The following ZNF28 variants were observed in gnomAD, a reference collection of about 807,000 sequenced individuals.
ZNF28 encodes the protein zinc finger protein 28.
A neutral mutation model predicts 7.2 loss-of-function variants in ZNF28; 5 were observed. The ratio of observed to expected loss-of-function variants is 0.70; its 90% CI spans 0.36 to 1.46. The LOEUF (loss-of-function observed/expected upper bound fraction) is 1.46, where lower values mean the gene tolerates loss of function less well. ZNF28 is among the 40% of genes most tolerant of loss of function. The pLI is 0.03. For synonymous variants in ZNF28, 288 were observed against 292.4 expected (o/e 0.99, Z 0.15); for missense variants, 879 against 866.6 (o/e 1.01, Z -0.18).
chr19:52,803,266 G>A (rs2062896787), intron 3 of ZNF28, among the ~76,000 whole-genome samples: 1 of 151,534 alleles, frequency 6.6e-6, no homozygotes, highest in Admixed American at 6.6e-5. Context: ...TAGTAGAGAT[G>A]GGGTTTGGTG....
At position 52,799,982 on chromosome 19, in the gene ZNF28, C is replaced by T. The variant is rs755330927; in HGVS notation, c.1863G>A (p.Ser621=). The T allele has an allele frequency of 1.7e-5, 28 of 1,610,082 alleles. No individual in the cohort carries two copies. Among genetic ancestry groups the T allele is most frequent in the East Asian group, 9.0e-5 (4 of 44,660 alleles). The part of the protein sequence containing the change: ...ECGKTFRQTS[S]LIIHRRLHTG... ...TATGAAGCCTACGATGGATTATAAG[C>T]GATGATGTCTGACGGAAGGTCTTGC... Residue 621 remains serine (S), a synonymous_variant, in exon 4 of 4, where the codon TCG becomes TCA. Coordinates refer to ENST00000457749, the MANE Select transcript of ZNF28 (RefSeq NM_006969.5).
intron 3 of ZNF28, among the ~76,000 whole-genome samples, chr19:52,803,233 T>C (rs1211478541): frequency 4.6e-5 from 7 of 152,062 alleles, no homozygotes; most frequent in Non-Finnish European, 1.0e-4. Context: ...CATGCCACTG[T>C]GCCCGGCTAA....
chr19:52,798,386 A>C lies in ZNF28; in HGVS notation c.*1302T>G, dbSNP rs144398880. The stretch of plus-strand genomic sequence containing the variant: ...TCAAACTCAGGTCAGTGCTCATTTA[A>C]CTGTAATGTCAATTAATGCTTGATG... On this transcript the variant is annotated 3_prime_UTR_variant, in exon 4 of 4. Coordinates refer to ENST00000457749, the MANE Select transcript of ZNF28 (RefSeq NM_006969.5). 4.7e-4 allele frequency: 175 copies of C among 373,966 alleles called. No individual in the cohort carries two copies. The highest frequency in any genetic ancestry group is 8.2e-4 in the Non-Finnish European group (155 of 190,050). 23.2% of individuals were successfully genotyped at this position (373,966 alleles called of 1,614,324 possible).
rs531977324 is a variant in ZNF28 at position 52,818,051 on chromosome 19, T to C, written c.-73-20A>G. ...TCAATCCTGAATGTTAAAAATATGT[T>C]GTTTATTGCTCAGAATCAACACATC... On this transcript the variant is annotated intron_variant, in intron 1 of 3. Transcript: ENST00000457749. 683 of 1,585,324 alleles carry C rather than the reference T, an allele frequency of 4.3e-4. 10 individuals are homozygous for C. The South Asian group carries it at 6.8e-3, about 16-fold the overall frequency.
Position 52,799,014 on chromosome 19 carries a change from A to G in ZNF28, c.*674T>C. ...CCAAAAGCCTTGTTACAAACCTTACATTTGTATGTTTTTTCTCCAGTATGA... is the reference window on the plus strand; with the variant it reads ...CCAAAAGCCTTGTTACAAACCTTACGTTTGTATGTTTTTTCTCCAGTATGA... On this transcript the variant is annotated 3_prime_UTR_variant, in exon 4 of 4. Coordinates refer to ENST00000457749, the MANE Select transcript of ZNF28 (RefSeq NM_006969.5). 1 of 777,480 alleles carries G rather than the reference A, an allele frequency of 1.3e-6. No individual in the cohort carries two copies. Among genetic ancestry groups the G allele is most frequent in the Non-Finnish European group, 2.0e-6 (1 of 504,636 alleles). The allele number at this position is 777,480 out of a possible 1,614,324, so 48.2% of individuals were successfully genotyped here.
intron 3 of ZNF28, chr19:52,805,666 A>ATAAATAAATAAATAAC (rs1165988967): frequency 1.5e-4 from 22 of 151,388 alleles, no homozygotes; most frequent in African/African-American, 4.8e-4. Context: ...AAATAAATAA[A>ATAAATAAATAAATAAC]TAAAGTTCTC....
chr19:52,799,118 A>G lies in ZNF28; in HGVS notation c.*570T>C, dbSNP rs567413726. 5 of 413,182 alleles carry G rather than the reference A, an allele frequency of 1.2e-5. No homozygotes were observed. Among genetic ancestry groups the G allele is most frequent in the African/African-American group, 2.1e-5 (1 of 48,250 alleles). 25.6% of individuals were successfully genotyped at this position (413,182 alleles called of 1,614,324 possible). On this transcript the variant is annotated 3_prime_UTR_variant, in exon 4 of 4. Transcript: ENST00000457749. ...CACATTTGTAAGATTTCTCTGCAGT[A>G]TGAAGACTATGATGACTTGCAAGGT... is the stretch of plus-strand genomic sequence containing the variant.
At position 52,800,817 on chromosome 19, in the gene ZNF28, G is replaced by A. The variant is rs2062857424; in HGVS notation, c.1028C>T (p.Ala343Val). 5 of 1,613,786 alleles carry A rather than the reference G, an allele frequency of 3.1e-6. No individual in the cohort carries two copies. Among genetic ancestry groups the A allele is most frequent in the Admixed American group, 1.7e-5 (1 of 59,964 alleles). Residue 343 changes from alanine (A) to valine (V), a missense_variant, in exon 4 of 4, where the codon GCA (alanine) becomes GTA (valine). Ala to Val is a moderately conservative substitution (Grantham distance 64). Transcript: ENST00000457749. The part of the protein sequence containing the change: ...DKAFTCNSYL[A>V]KHTIIHTGEK... Reference sequence around the variant, plus strand: ...TCCAGTGTGAATTATAGTATGTTTTGCTAGGTATGAATTACATGTGAAAGC... The same window carrying A: ...TCCAGTGTGAATTATAGTATGTTTTACTAGGTATGAATTACATGTGAAAGC...
intron 2 of ZNF28, among the ~76,000 whole-genome samples, chr19:52,808,372 G>A (rs1315844420): frequency 1.3e-5 from 2 of 152,130 alleles, no homozygotes; most frequent in African/African-American, 4.8e-5. Context: ...ATCAGTGTTG[G>A]ATTCCTGTTA....
chr19:52,816,042 C>T (rs112317181), intron 2 of ZNF28, among the ~76,000 whole-genome samples: 2,390 of 147,014 alleles, frequency 0.016, 425 homozygotes, highest in African/African-American at 0.06. Context: ...GTACGAGACT[C>T]GCTCTGACAG....
At chr19:52,809,952 G>A (rs1251063780) in intron 2 of ZNF28, 25 of 826,198 alleles carry the variant, frequency 3.0e-5, no homozygotes, top group Non-Finnish European at 3.1e-5. Flanking sequence ...CCCGGGGGGC[G>A]CAGGGGACGA....
Position 52,800,568 on chromosome 19 carries a change from A to T in ZNF28, c.1277T>A (p.Leu426Gln), listed in dbSNP as rs1269399546. The change falls in exon 4 of 4, where the codon CTG (leucine) becomes CAG (glutamine). Residue 426 changes from leucine (L) to glutamine (Q), a missense_variant. Transcript: ENST00000457749. The stretch of plus-strand genomic sequence containing the variant: ...AGTGTGAATTATACTATGTTTTGCC[A>T]GGTATGAATTATATGCAAAAGCCTT... ...CDKAFAYNSY[L>Q]AKHSIIHTGE... 1 of 1,613,072 alleles carries T rather than the reference A, an allele frequency of 6.2e-7. No homozygotes were observed. Among genetic ancestry groups the T allele is most frequent in the African/African-American group, 1.3e-5 (1 of 74,616 alleles).
intron 2 of ZNF28, among the ~76,000 whole-genome samples, chr19:52,817,397 A>C (rs2063140868): frequency 6.6e-6 from 1 of 152,084 alleles, no homozygotes; most frequent in Non-Finnish European, 1.5e-5. Context: ...TAATGAAGGA[A>C]TCATTAATGT....
At chr19:52,808,507 CAT>C (rs983994660) in intron 2 of ZNF28, among the ~76,000 whole-genome samples, 16 of 151,794 alleles carry the variant, frequency 1.1e-4, no homozygotes, top group African/African-American at 3.4e-4. Flanking sequence ...CACAGTGACA[CAT>C]GTCTGTAATC....
chr19:52,801,647 T>C lies in ZNF28; in HGVS notation c.198A>G (p.Thr66=). The change falls in exon 4 of 4, where the codon ACA becomes ACG. Residue 66 remains threonine (T), a synonymous_variant. Coordinates refer to ENST00000457749, the MANE Select transcript of ZNF28 (RefSeq NM_006969.5). ...KTFFSTGQGN[T]EAFHTGTLQR... ...GCAATGTCCCTGTGTGGAACGCTTCTGTATTGCCTTGCCCTGTTGAGAAGA... is the reference window on the plus strand; with the variant it reads ...GCAATGTCCCTGTGTGGAACGCTTCCGTATTGCCTTGCCCTGTTGAGAAGA... 6.2e-7 allele frequency: 1 copy of C among 1,613,500 alleles called. No homozygotes were observed. The highest frequency in any genetic ancestry group is 8.5e-7 in the Non-Finnish European group (1 of 1,179,684).
chr19:52,802,854 G>A (rs1462092390), intron 3 of ZNF28, among the ~76,000 whole-genome samples: 30 of 149,342 alleles, frequency 2.0e-4, no homozygotes, highest in Non-Finnish European at 3.7e-4. Context: ...TCCACCTCCC[G>A]GGTTCACGCC....
chr19:52,810,819 T>G (rs4803000), intron 2 of ZNF28: 1 of 288,300 alleles, frequency 3.5e-6, no homozygotes, highest in Middle Eastern at 1.1e-3. Context: ...AAAAAATATA[T>G]ATATATTTTT....
chr19:52,818,977 A>G (rs1456379001), intron 1 of ZNF28, among the ~76,000 whole-genome samples: 2 of 143,040 alleles, frequency 1.4e-5, no homozygotes, highest in Admixed American at 1.4e-4. Context: ...GGGCAGAGGG[A>G]ACTTCAGATG....
At chr19:52,807,738 G>C in intron 3 of ZNF28, 1 of 531,528 alleles carries the variant, frequency 1.9e-6, no homozygotes, top group Non-Finnish European at 3.2e-6. Flanking sequence ...GCCTCCCAAG[G>C]TGCTGGGATA....
Sources: gnomAD v4.1 joint callset for allele counts (sites outside exome capture counted in the v4.1 genomes callset) on GRCh38, gnomAD v4.1.1 for gene constraint, MANE v1.5 for transcripts, NCBI Gene and HGNC (gene_info 2026-07-23, HGNC 2026-07-21) for gene names.